RBPMS: variants seen among roughly 807,000 people sequenced by gnomAD.
RBPMS encodes the protein RNA binding protein, mRNA processing factor, also known as RNA-binding protein with multiple splicing.
A neutral mutation model predicts 26.8 loss-of-function variants in RBPMS; 7 were observed. The observed-to-expected ratio is 0.26, with a 90% CI of 0.15 to 0.49. RBPMS has a LOEUF of 0.49. Among genes scored for constraint, RBPMS ranks in the 20% least tolerant of loss-of-function variants. The pLI is 0.98. For missense variants in RBPMS, 186 were observed against 250.0 expected, an observed-to-expected ratio of 0.74 and a Z score of 1.73; for synonymous variants, 96 against 93.3, an observed-to-expected ratio of 1.03 and a Z score of -0.17.
At chr8:30,477,584 TCC>T in intron 2 of RBPMS, among the ~76,000 whole-genome samples, 1 of 151,894 alleles carries the variant, frequency 6.6e-6, no homozygotes, top group East Asian at 1.9e-4. Flanking sequence ...CACAGATAAA[TCC>T]ATAGATTGAT....
chr8:30,513,472 C>T (rs915431043), intron 5 of RBPMS, among the ~76,000 whole-genome samples: 2 of 151,422 alleles, frequency 1.3e-5, no homozygotes, highest in African/African-American at 2.4e-5. Context: ...GCCTGTGGTC[C>T]CAGCTACTCG....
intron 1 of RBPMS, among the ~76,000 whole-genome samples, chr8:30,425,931 C>T (rs2150644000): frequency 6.6e-6 from 1 of 152,264 alleles, no homozygotes; most frequent in Middle Eastern, 3.4e-3. Context: ...CAAGGCTGGC[C>T]TTTGAGACCA....
intron 1 of RBPMS, among the ~76,000 whole-genome samples, chr8:30,434,018 A>G (rs1337049127): frequency 6.6e-6 from 1 of 152,154 alleles, no homozygotes; most frequent in Non-Finnish European, 1.5e-5. Context: ...AAAAGTGAAA[A>G]AAGTATTTAA....
intron 1 of RBPMS, among the ~76,000 whole-genome samples, chr8:30,433,862 A>G (rs1244112367): frequency 6.6e-6 from 1 of 152,168 alleles, no homozygotes; most frequent in Non-Finnish European, 1.5e-5. Context: ...ATGATTATAC[A>G]CGTGTTATCT....
chr8:30,559,874 G>A (rs1827303537), intron 7 of RBPMS, among the ~76,000 whole-genome samples: 1 of 152,170 alleles, frequency 6.6e-6, no homozygotes, highest in Non-Finnish European at 1.5e-5. Flanking sequence ...GACTTCTATT[G>A]TAAGATAAAA....
At chr8:30,522,054 GTTC>G (rs1823106645) in intron 5 of RBPMS, among the ~76,000 whole-genome samples, 1 of 152,104 alleles carries the variant, frequency 6.6e-6, no homozygotes, top group Non-Finnish European at 1.5e-5. Context: ...GATTTTAAGT[GTTC>G]TTATCAGAAA....
intron 5 of RBPMS, among the ~76,000 whole-genome samples, chr8:30,543,349 T>C (rs1220256133): frequency 6.6e-6 from 1 of 151,854 alleles, no homozygotes; most frequent in Non-Finnish European, 1.5e-5. Context: ...TATTGAAGAG[T>C]TTCGGGGGAT....
chr8:30,559,097 T>C (rs953388927), intron 7 of RBPMS, 141 bp downstream of exon 7: 3 of 701,766 alleles, frequency 4.3e-6, no homozygotes, highest in African/African-American at 3.5e-5. Context: ...TTAAACTCAC[T>C]TGAACTACAT....
At chr8:30,530,352 G>A (rs1160544399) in intron 5 of RBPMS, among the ~76,000 whole-genome samples, 3 of 152,220 alleles carry the variant, frequency 2.0e-5, no homozygotes, top group Non-Finnish European at 4.4e-5. Context: ...GTTGTGGGAC[G>A]TGGGTCAAGT....
intron 1 of RBPMS, among the ~76,000 whole-genome samples, chr8:30,424,083 C>A (rs1169438836): frequency 6.6e-6 from 1 of 152,070 alleles, no homozygotes; most frequent in African/African-American, 2.4e-5. Context: ...AGGAATCTGC[C>A]CACCTCCGTC....
chr8:30,520,554 G>A (rs1477792455), intron 5 of RBPMS, among the ~76,000 whole-genome samples: 1 of 152,154 alleles, frequency 6.6e-6, no homozygotes, highest in East Asian at 1.9e-4. Flanking sequence ...TCATTTGTAG[G>A]AATGATGGAG....
chr8:30,496,880 C>G (rs891099808), intron 4 of RBPMS, among the ~76,000 whole-genome samples: 1 of 152,176 alleles, frequency 6.6e-6, no homozygotes, highest in African/African-American at 2.4e-5. Flanking sequence ...CAGGCTCCAA[C>G]TGAGCGTAAC....
chr8:30,545,604 A>C, intron 6 of RBPMS: 1 of 212,900 alleles, frequency 4.7e-6, no homozygotes, highest in South Asian at 1.7e-4. Flanking sequence ...GGCTGGGTGA[A>C]ATAAACAGCT....
chr8:30,463,908 G>A (rs1445123994), intron 1 of RBPMS, among the ~76,000 whole-genome samples: 2 of 152,188 alleles, frequency 1.3e-5, no homozygotes, highest in African/African-American at 4.8e-5. Context: ...CAGGACTTGG[G>A]GAGGTGGAGG....
chr8:30,482,419 TTTCTC>T (rs1477236356), intron 4 of RBPMS, among the ~76,000 whole-genome samples: 1 of 152,218 alleles, frequency 6.6e-6, no homozygotes, highest in East Asian at 1.9e-4. Flanking sequence ...CCATGTTTAA[TTTCTC>T]TTTTTGTTGT....
intron 1 of RBPMS, among the ~76,000 whole-genome samples, chr8:30,455,656 A>G (rs1815111889): frequency 6.6e-6 from 1 of 152,122 alleles, no homozygotes; most frequent in African/African-American, 2.4e-5. Flanking sequence ...TTGGGAGGCC[A>G]AGGTGGGTGG....
chr8:30,496,571 C>G (rs886902944), intron 4 of RBPMS, among the ~76,000 whole-genome samples: 6 of 152,156 alleles, frequency 3.9e-5, no homozygotes, highest in Non-Finnish European at 8.8e-5. Context: ...AAGTTCAGTA[C>G]TAATTATGAA....
intron 1 of RBPMS, among the ~76,000 whole-genome samples, chr8:30,460,929 T>G (rs1047101764): frequency 6.6e-6 from 1 of 152,016 alleles, no homozygotes; most frequent in East Asian, 1.9e-4. Flanking sequence ...CATATACTTG[T>G]GGTCCCAGCC....
At position 30,413,680 on chromosome 8, in the gene RBPMS, T is replaced by C. The variant is rs569184881; in HGVS notation, c.66+28522T>C. 3.2e-3 allele frequency among the ~76,000 whole-genome samples: 483 copies of C among 152,220 alleles called. 2 individuals carry two copies. The highest frequency in any genetic ancestry group is 6.8e-3 in the Middle Eastern group (2 of 294). On this transcript the variant is annotated intron_variant, in intron 1 of 8. Transcript: ENST00000397323. ...CAGGCTGGAGTTCAGTGGCATGATC[T>C]CGGCTCAGTGCAACCTCCGCCTCCC...
Sources: gnomAD v4.1 joint callset for allele counts (sites outside exome capture counted in the v4.1 genomes callset) on GRCh38, gnomAD v4.1.1 for gene constraint, MANE v1.5 for transcripts, NCBI Gene and HGNC (gene_info 2026-07-23, HGNC 2026-07-21) for gene names.